The following SLA variants were observed in gnomAD, a reference collection of about 807,000 sequenced individuals.
SLA encodes src-like-adapter.
A neutral mutation model predicts 30.3 loss-of-function variants in SLA; 16 were observed. That is an observed-to-expected ratio of 0.53 (90% CI 0.36 to 0.80). The LOEUF (loss-of-function observed/expected upper bound fraction) is 0.80, where lower values mean the gene tolerates loss of function less well. Ranked by LOEUF, SLA falls within the 30% of genes least tolerant of loss-of-function variation. The pLI, the probability that SLA is intolerant of heterozygous loss-of-function variation, is 0.01. For missense variants in SLA, 310 were observed against 345.2 expected (o/e 0.90, Z 0.81); for synonymous variants, 143 against 137.8 (o/e 1.04, Z -0.26).
chr8:133,051,155 T>G (rs544377729), intron 3 of SLA, among the ~76,000 whole-genome samples: 2 of 152,338 alleles, frequency 1.3e-5, no homozygotes, highest in Admixed American at 1.3e-4. Context: ...GGCCCTCATG[T>G]TCTCATCTGA....
At chr8:133,075,903 T>C (rs1470414421) in intron 1 of SLA, 1 of 152,120 alleles carries the variant, frequency 6.6e-6, no homozygotes, top group Non-Finnish European at 1.5e-5. Flanking sequence ...AAGTTTTTGG[T>C]GAGTTTGATG....
intron 3 of SLA, among the ~76,000 whole-genome samples, chr8:133,055,678 A>G (rs183439109): frequency 1.2e-4 from 19 of 152,340 alleles, no homozygotes; most frequent in African/African-American, 4.6e-4. Context: ...GGATATAGGC[A>G]GGGCTAGCAC....
intron 2 of SLA, among the ~76,000 whole-genome samples, chr8:133,068,620 A>T (rs2131400815): frequency 6.6e-6 from 1 of 152,292 alleles, no homozygotes; most frequent in Admixed American, 6.5e-5. Flanking sequence ...AGGGCTGTGC[A>T]CACCCTGCAG....
In SLA at chr8:133,075,317, G is replaced by A. The variant is rs371322982; in HGVS notation, c.-318-187C>T. On this transcript the variant is annotated intron_variant, in intron 1 of 8. Coordinates refer to ENST00000338087, the MANE Select transcript of SLA (RefSeq NM_001045556.3). ...GGGCCCACGAAGGCTGTGGCTAAGA[G>A]CTGCAGCTTCTCTGATTTCGGTTTC... 1.4e-4 allele frequency among the ~76,000 whole-genome samples: 21 copies of A among 152,274 alleles called. 1 individual carries two copies. The highest frequency in any genetic ancestry group is 5.1e-4 in the African/African-American group (21 of 41,560).
chr8:133,063,327 C>T (rs1056227240), intron 2 of SLA, among the ~76,000 whole-genome samples: 1 of 151,200 alleles, frequency 6.6e-6, no homozygotes, highest in African/African-American at 2.4e-5. Flanking sequence ...AAGCAGCAGG[C>T]TCCCACCACA....
intron 2 of SLA, among the ~76,000 whole-genome samples, chr8:133,070,398 A>C (rs1200411975): frequency 6.6e-6 from 1 of 152,242 alleles, no homozygotes; most frequent in Admixed American, 6.5e-5. Context: ...AAAAGAGACT[A>C]ATCTAAGTGG....
At chr8:133,053,863 C>T (rs1840876374) in intron 3 of SLA, among the ~76,000 whole-genome samples, 1 of 152,144 alleles carries the variant, frequency 6.6e-6, no homozygotes, top group Non-Finnish European at 1.5e-5. Flanking sequence ...AGCTATGGCA[C>T]TTAAACATCA....
chr8:133,045,208 C>CAGTGA, intron 6 of SLA, 93 bp from the exon 7 acceptor site: 1 of 1,358,312 alleles, frequency 7.4e-7, no homozygotes, highest in Admixed American at 1.9e-5. Context: ...GCAGGGAGAC[C>CAGTGA]TGCCCACCCT....
At chr8:133,062,230 A>C (rs1842467646) in intron 2 of SLA, among the ~76,000 whole-genome samples, 1 of 152,114 alleles carries the variant, frequency 6.6e-6, no homozygotes, top group Non-Finnish European at 1.5e-5. Flanking sequence ...CAAACCAGAA[A>C]AACATGCGCA....
intron 1 of SLA, among the ~76,000 whole-genome samples, chr8:133,089,088 G>A (rs989577120): frequency 2.6e-5 from 4 of 152,148 alleles, no homozygotes; most frequent in Admixed American, 6.5e-5. Context: ...AGGTCGGTGC[G>A]AGGGTGGAGA....
chr8:133,091,540 G>C (rs1847528826), intron 1 of SLA, among the ~76,000 whole-genome samples: 1 of 152,112 alleles, frequency 6.6e-6, no homozygotes. Flanking sequence ...AAATGCTGCA[G>C]GGTCCATTTC....
chr8:133,055,612 A>G (rs1343816815), intron 3 of SLA, among the ~76,000 whole-genome samples: 3 of 152,156 alleles, frequency 2.0e-5, no homozygotes, highest in Non-Finnish European at 4.4e-5. Context: ...ACAGATTGGA[A>G]CTAAACAGAC....
rs766786085 is a variant in SLA, at chr8:133,072,330, C to T, written c.-41+2523G>A. On this transcript the variant is annotated intron_variant, in intron 2 of 8. Coordinates refer to ENST00000338087, the MANE Select transcript of SLA (RefSeq NM_001045556.3). The stretch of plus-strand genomic sequence containing the variant: ...CTCAGATAGGAGGAAGTGGTTTGAA[C>T]AGAGTGTACTTATTTCCTTCGGAAC... Among the ~76,000 whole-genome samples, 8 of 152,212 alleles carry T rather than the reference C, an allele frequency of 5.3e-5. 1 individual carries two copies. Among genetic ancestry groups the T allele is most frequent in the Admixed American group, 5.2e-4 (8 of 15,278 alleles).
intron 1 of SLA, among the ~76,000 whole-genome samples, chr8:133,097,014 C>T (rs753780044): frequency 1.3e-5 from 2 of 152,162 alleles, no homozygotes; most frequent in African/African-American, 4.8e-5. Context: ...CCTCTGCCCA[C>T]CCCACCCTGC....
intron 2 of SLA, among the ~76,000 whole-genome samples, chr8:133,074,040 G>A (rs1209602101): frequency 6.6e-6 from 1 of 152,148 alleles, no homozygotes; most frequent in Admixed American, 6.5e-5. Context: ...CAAAGCTCAG[G>A]TCACTTCTTT....
At chr8:133,074,328 A>G (rs1348420974) in intron 2 of SLA, among the ~76,000 whole-genome samples, 1 of 152,126 alleles carries the variant, frequency 6.6e-6, no homozygotes, top group East Asian at 1.9e-4. Flanking sequence ...ACCTGGCTCC[A>G]TGCACCTTTA....
At chr8:133,061,130 C>T (rs1842315731) in intron 2 of SLA, among the ~76,000 whole-genome samples, 1 of 152,228 alleles carries the variant, frequency 6.6e-6, no homozygotes, top group Non-Finnish European at 1.5e-5. Context: ...CCTGCCTCAG[C>T]CTTCCAAGTA....
At chr8:133,040,220 C>A in intron 7 of SLA, 90 bp from the exon 8 acceptor site, 1 of 1,392,808 alleles carries the variant, frequency 7.2e-7, no homozygotes, top group Non-Finnish European at 9.8e-7. Context: ...CAGTGCAGCT[C>A]CCTGGCTGCT....
At chr8:133,071,509 T>A (rs115242406) in intron 2 of SLA, among the ~76,000 whole-genome samples, 1 of 152,092 alleles carries the variant, frequency 6.6e-6, no homozygotes, top group Non-Finnish European at 1.5e-5. Context: ...ATTCAGTAGG[T>A]GGATTGATAG....
Sources: gnomAD v4.1 joint callset for allele counts (sites outside exome capture counted in the v4.1 genomes callset) on GRCh38, gnomAD v4.1.1 for gene constraint, MANE v1.5 for transcripts, NCBI Gene and HGNC (gene_info 2026-07-23, HGNC 2026-07-21) for gene names.